The following LTBP3 variants were observed in gnomAD, a reference collection of about 807,000 sequenced individuals.
LTBP3 encodes latent transforming growth factor beta binding protein 3.
LTBP3 carries 97 observed loss-of-function variants against 159.7 expected under a neutral mutation model. The observed-to-expected ratio is 0.61, with a 90% CI of 0.52 to 0.72. LTBP3 has a LOEUF of 0.72. LTBP3 is among the 30% of genes least tolerant of loss of function. LTBP3 has a pLI of 0.00. For missense variants in LTBP3, 1,584 were observed against 1,864.3 expected (o/e 0.85, Z 2.77); for synonymous variants, 824 against 777.1 (o/e 1.06, Z -1.00).
intron 16 of LTBP3, 137 bp from the exon 17 acceptor site, chr11:65,543,686 T>G: frequency 1.7e-6 from 2 of 1,166,138 alleles, no homozygotes; most frequent in Non-Finnish European, 2.5e-6. Flanking sequence ...TCACCCTGCT[T>G]CTGGGTGGCA....
intron 11 of LTBP3, among the ~76,000 whole-genome samples, chr11:65,549,299 C>T (rs1027880733): frequency 1.3e-5 from 2 of 152,180 alleles, no homozygotes; most frequent in Non-Finnish European, 2.9e-5. Context: ...TGTGGGTTCT[C>T]CCTCCTCCAC....
chr11:65,547,457 G>T lies in LTBP3; in HGVS notation c.2089C>A (p.Arg697=). Residue 697 remains arginine, a synonymous_variant, in exon 14 of 28, where the codon CGG becomes AGG. Transcript: ENST00000301873. This position sits in a 1 kb window ranked among gnomAD's most constrained non-coding sequence, Gnocchi z 4.6. ...CYPGYRLKAS[R]PPVCEDIDEC... is the part of the protein sequence containing the mutation. Reference sequence around the variant, plus strand: ...CCCTCACCTTCGCACACAGGAGGCCGGGAGGCTTTGAGCCGGTAGCCGGGG... The same window carrying T: ...CCCTCACCTTCGCACACAGGAGGCCTGGAGGCTTTGAGCCGGTAGCCGGGG... 1.2e-6 allele frequency: 2 copies of T among 1,613,996 alleles called. No individual in the cohort carries two copies. The highest frequency in any genetic ancestry group is 2.2e-5 in the South Asian group (2 of 91,084).
chr11:65,543,600 C>T, intron 16 of LTBP3, 51 bp from the exon 17 acceptor site: 1 of 1,612,678 alleles, frequency 6.2e-7, no homozygotes, highest in South Asian at 1.1e-5. Flanking sequence ...TCTTGGGTTT[C>T]TACTACTGTT....
At position 65,543,164 on chromosome 11, in the gene LTBP3, C is replaced by T. The variant is rs769073809; in HGVS notation, c.2537G>A (p.Gly846Asp). The T allele has an allele frequency of 1.2e-6, 2 of 1,614,114 alleles. No homozygotes were observed. Among genetic ancestry groups the T allele is most frequent in the Admixed American group, 3.3e-5 (2 of 60,026 alleles). ...CIGGDCINTN[G>D]SYRCLCPQGH... is the part of the protein sequence containing the mutation. The stretch of plus-strand genomic sequence containing the variant: ...CTGGGGGCAAAGACATCTGTAGGAG[C>T]CATTGGTATTGATGCAGTCACCCCC... The change falls in exon 18 of 28, where the codon GGC (glycine) becomes GAC (aspartate). Residue 846 changes from glycine (G) to aspartate (D), a missense_variant. This residue lies in a region of LTBP3 where 565 missense variants were observed against 677.7 expected (regional missense o/e 0.83). Coordinates refer to ENST00000301873, the MANE Select transcript of LTBP3 (RefSeq NM_001130144.3).
chr11:65,548,324 C>T (rs1373724059), intron 11 of LTBP3: 2 of 602,744 alleles, frequency 3.3e-6, no homozygotes. Flanking sequence ...ACCCCACTCA[C>T]CTCAAACCAA....
rs745736054 is a variant in LTBP3, at chr11:65,553,113, G to A, written c.1063+51C>T. 6 of 1,606,896 alleles carry A rather than the reference G, an allele frequency of 3.7e-6. No individual in the cohort carries two copies. The highest frequency in any genetic ancestry group is 1.7e-6 in the Non-Finnish European group (2 of 1,173,852). ...CACCTTGGGACCCTCCCCACCCCCA[G>A]TGATGGCTGGCCTGCCCCTCCAGCC... On this transcript the variant is annotated intron_variant, in intron 5 of 27. Coordinates refer to ENST00000301873, the MANE Select transcript of LTBP3 (RefSeq NM_001130144.3). This position sits in a 1 kb window ranked among gnomAD's most constrained non-coding sequence, Gnocchi z 6.5.
In LTBP3 at chr11:65,558,167, G is replaced by A; in HGVS notation, c.-208C>T. ...CAGCGGGGAGCGCAGAAACTTCCCA[G>A]CCCCAGGACGAAGCCCAGACCAGGC... On this transcript the variant is annotated 5_prime_UTR_variant, in exon 1 of 28. Transcript: ENST00000301873. The A allele has an allele frequency of 4.7e-6, 5 of 1,069,730 alleles. No homozygotes were observed. The highest frequency in any genetic ancestry group is 8.4e-4 in the Middle Eastern group (2 of 2,370). The allele number at this position is 1,069,730 out of a possible 1,614,324, so 66.3% of individuals were successfully genotyped here.
In LTBP3 at chr11:65,553,611, C is replaced by T; in HGVS notation, c.865-81G>A. 1 of 1,512,798 alleles carries T rather than the reference C, an allele frequency of 6.6e-7. No homozygotes were observed. The highest frequency in any genetic ancestry group is 9.0e-7 in the Non-Finnish European group (1 of 1,112,194). The allele number at this position is 1,512,798 out of a possible 1,614,324, so 93.7% of individuals were successfully genotyped here. The stretch of plus-strand genomic sequence containing the variant: ...TTAGGGTTGGGCCTTTTCCTCTTCC[C>T]CCGCCCCTCAGTTTTCTGCTATCCG... On this transcript the variant is annotated intron_variant, in intron 3 of 27. Transcript: ENST00000301873. The surrounding 1 kb of genome is among the most constrained non-coding windows in gnomAD (Gnocchi z 6.5).
In LTBP3 at chr11:65,558,223, A is replaced by G; in HGVS notation, c.-264T>C. ...ACTCAGGCAGGAGCGAGGAGGCCGG[A>G]GCAAGTTGAGGCGGAGAGGAGGAGC... On this transcript the variant is annotated 5_prime_UTR_variant, in exon 1 of 28. Coordinates refer to ENST00000301873, the MANE Select transcript of LTBP3 (RefSeq NM_001130144.3). 2 of 1,049,458 alleles carry G rather than the reference A, an allele frequency of 1.9e-6. No individual in the cohort carries two copies. The highest frequency in any genetic ancestry group is 2.3e-6 in the Non-Finnish European group (2 of 869,754). The allele number at this position is 1,049,458 out of a possible 1,614,324, so 65.0% of individuals were successfully genotyped here. A position where few individuals can be genotyped will look rare whatever the true frequency, so the allele number is the denominator to read the frequency against.
rs1049421921 is a variant in LTBP3 at position 65,558,318 on chromosome 11, G to A, written c.-359C>T. 5.7e-5 allele frequency: 31 copies of A among 544,514 alleles called. No individual in the cohort carries two copies. The Admixed American group carries it at 1.5e-3, about 27-fold the overall frequency. The allele number at this position is 544,514 out of a possible 1,614,324, so 33.7% of individuals were successfully genotyped here. ...CTGGCCGGGCTCCTCTCCCGCGGCC[G>A]CGGGGAGGCAGGGAGCGCGCGGGGA... On this transcript the variant is annotated 5_prime_UTR_variant, in exon 1 of 28. Transcript: ENST00000301873.
rs1335559033 is a variant in LTBP3, at chr11:65,546,403, G to A, written c.2353+39C>T. 2 of 1,506,126 alleles carry A rather than the reference G, an allele frequency of 1.3e-6. No homozygotes were observed. Among genetic ancestry groups the A allele is most frequent in the Non-Finnish European group, 1.8e-6 (2 of 1,133,570 alleles). The allele number at this position is 1,506,126 out of a possible 1,614,324, so 93.3% of individuals were successfully genotyped here. On this transcript the variant is annotated intron_variant, in intron 16 of 27. Coordinates refer to ENST00000301873, the MANE Select transcript of LTBP3 (RefSeq NM_001130144.3). The surrounding 1 kb of genome is among the most constrained non-coding windows in gnomAD (Gnocchi z 4.0). ...CCCGCTCCCCGGCTTCAGCGCGTAG[G>A]GGGCGGCGGAGGCCCGGGGCGGGGG...
intron 11 of LTBP3, 100 bp from the exon 12 acceptor site, chr11:65,548,145 G>C (rs1021269283): frequency 1.5e-5 from 23 of 1,547,050 alleles, no homozygotes; most frequent in East Asian, 2.2e-5. Context: ...ATGACCTCAG[G>C]TTCCTGTACG....
At position 65,540,591 on chromosome 11, in the gene LTBP3, C is replaced by A; in HGVS notation, c.3001G>T (p.Gly1001Trp). The change falls in exon 22 of 28, where the codon GGG (glycine) becomes TGG (tryptophan). Residue 1001 changes from glycine (G) to tryptophan (W), a missense_variant. Physicochemically the swap from Gly to Trp is radical, Grantham distance 184 (BLOSUM62 -2). Coordinates refer to ENST00000301873, the MANE Select transcript of LTBP3 (RefSeq NM_001130144.3). ...HRDIDECMLF[G>W]SEICKEGKCV... ...TTGCCCTCCTTGCAAATCTCCGACC[C>A]GAACAACATGCACTCGTCGATGTCT... The A allele has an allele frequency of 6.2e-7, 1 of 1,613,312 alleles. No individual in the cohort carries two copies. Among genetic ancestry groups the A allele is most frequent in the Non-Finnish European group, 8.5e-7 (1 of 1,179,720 alleles).
intron 22 of LTBP3, 25 bp from the exon 23 acceptor site, chr11:65,540,407 G>C (rs1403216623): frequency 1.2e-6 from 2 of 1,605,840 alleles, no homozygotes; most frequent in Admixed American, 3.4e-5. Context: ...AGCGTGGGTA[G>C]CAGGGGCAGG....
rs1158760738 is a variant in LTBP3, at chr11:65,540,118, G to A, written c.3280C>T (p.Pro1094Ser). ...CCCGGCAGGTTGACGCAGCGGCCAGGGCGGCAGGCTGCCGGGTCCTGGCAC... is the reference window on the plus strand; with the variant it reads ...CCCGGCAGGTTGACGCAGCGGCCAGAGCGGCAGGCTGCCGGGTCCTGGCAC... The part of the protein sequence containing the change: ...DECQDPAACR[P>S]GRCVNLPGSY... The change falls in exon 24 of 28, where the codon CCT becomes TCT. Residue 1094 changes from proline to serine, a missense_variant. Physicochemically the swap from Pro to Ser is moderately conservative, Grantham distance 74. Around this residue, in one of 6 missense-constraint regions of LTBP3, gnomAD observed 514 missense variants for 530.3 expected, o/e 0.97. Coordinates refer to ENST00000301873, the MANE Select transcript of LTBP3 (RefSeq NM_001130144.3). 4 of 1,527,076 alleles carry A rather than the reference G, an allele frequency of 2.6e-6. No individual in the cohort carries two copies. In the African/African-American group the frequency reaches 5.5e-5, roughly 21 times the overall value. The allele number at this position is 1,527,076 out of a possible 1,614,324, so 94.6% of individuals were successfully genotyped here. A position where few individuals can be genotyped will look rare whatever the true frequency, so the allele number is the denominator to read the frequency against.
intron 20 of LTBP3, 48 bp from the exon 21 acceptor site, chr11:65,541,002 C>G: frequency 6.3e-7 from 1 of 1,594,010 alleles, no homozygotes; most frequent in Non-Finnish European, 8.6e-7. Context: ...GGACTGAGCG[C>G]GCGCGTGGGC....
chr11:65,557,852 G>A lies in LTBP3; in HGVS notation c.108C>T (p.Gly36=). The change falls in exon 1 of 28, where the codon GGC becomes GGT. Residue 36 remains glycine, a synonymous_variant. Coordinates refer to ENST00000301873, the MANE Select transcript of LTBP3 (RefSeq NM_001130144.3). The part of the protein sequence containing the change: ...LLLLLLLLLL[G]LGGRVEGGPA... Reference sequence around the variant, plus strand: ...GCCCCCCCTCGACCCTGCCGCCCAGGCCCAGCAGCAGCAGCAGCAGCAGCA... The same window carrying A: ...GCCCCCCCTCGACCCTGCCGCCCAGACCCAGCAGCAGCAGCAGCAGCAGCA... 2.5e-6 allele frequency: 3 copies of A among 1,201,362 alleles called. No individual in the cohort carries two copies. Among genetic ancestry groups the A allele is most frequent in the South Asian group, 1.8e-5 (1 of 54,838 alleles). The allele number at this position is 1,201,362 out of a possible 1,614,324, so 74.4% of individuals were successfully genotyped here. A position where few individuals can be genotyped will look rare whatever the true frequency, so the allele number is the denominator to read the frequency against.
At chr11:65,556,382 G>T (rs1317441148) in intron 1 of LTBP3, among the ~76,000 whole-genome samples, 2 of 152,168 alleles carry the variant, frequency 1.3e-5, no homozygotes, top group African/African-American at 4.8e-5. Context: ...AAAAAAATTG[G>T]CCAGGCGTGG....
Position 65,539,748 on chromosome 11 carries a change from T to C in LTBP3, c.3519A>G (p.Gln1173=), listed in dbSNP as rs538479771. Residue 1173 remains glutamine, a synonymous_variant, in exon 25 of 28, where the codon CAA becomes CAG. Coordinates refer to ENST00000301873, the MANE Select transcript of LTBP3 (RefSeq NM_001130144.3). ...CCRQGRGWGA[Q]CRPCPPRGAG... The stretch of plus-strand genomic sequence containing the variant: ...CGCCGCGCGGCGGGCACGGTCGGCA[T>C]TGGGCGCCCCAGCCGCGGCCCTGGC... The C allele has an allele frequency of 6.1e-5, 95 of 1,545,876 alleles. No homozygotes were observed. The East Asian group carries it at 1.9e-3, about 31-fold the overall frequency.
Sources: gnomAD v4.1 joint callset for allele counts (sites outside exome capture counted in the v4.1 genomes callset) on GRCh38, gnomAD v4.1.1 for gene constraint, gnomAD v4.1.1 regional missense constraint, Gnocchi (gnomAD v3.1) non-coding constraint, MANE v1.5 for transcripts, NCBI Gene and HGNC (gene_info 2026-07-23, HGNC 2026-07-21) for gene names.